SDK1: variants seen among roughly 807,000 people sequenced by gnomAD.
The protein encoded by SDK1 is protein sidekick-1.
Under a neutral mutation model 245.5 loss-of-function variants are expected in SDK1, and 157 were observed. That is an observed-to-expected ratio of 0.64 (90% CI 0.56 to 0.73). The LOEUF (loss-of-function observed/expected upper bound fraction) is 0.73, where lower values mean the gene tolerates loss of function less well. Among genes scored for constraint, SDK1 ranks in the 30% least tolerant of loss-of-function variants. The pLI is 0.00. For synonymous variants in SDK1, 1,647 were observed against 1,278.5 expected, an observed-to-expected ratio of 1.29 and a Z score of -6.15; for missense variants, 3,583 against 3,002.3, an observed-to-expected ratio of 1.19 and a Z score of -4.52.
At chr7:3,520,599 A>C (rs1021279888) in intron 1 of SDK1, among the ~76,000 whole-genome samples, 1 of 152,198 alleles carries the variant, frequency 6.6e-6, no homozygotes, top group Non-Finnish European at 1.5e-5. Flanking sequence ...GTAGAATTCT[A>C]ATGTATCTGA....
intron 28 of SDK1, among the ~76,000 whole-genome samples, chr7:4,136,119 C>T (rs1012974106): frequency 3.9e-5 from 6 of 152,156 alleles, no homozygotes; most frequent in Admixed American, 6.5e-5. Context: ...GCCCTCCAAC[C>T]GTGCTGAACG....
intron 35 of SDK1, among the ~76,000 whole-genome samples, chr7:4,198,585 C>T (rs967698026): frequency 2.6e-5 from 4 of 152,172 alleles, no homozygotes; most frequent in Non-Finnish European, 5.9e-5. Flanking sequence ...TTGGAGGCTG[C>T]TTTTGCCATA....
At chr7:4,236,144 A>G (rs1786152352) in intron 41 of SDK1, among the ~76,000 whole-genome samples, 2 of 152,210 alleles carry the variant, frequency 1.3e-5, no homozygotes, top group South Asian at 4.1e-4. Context: ...GATATAGGAT[A>G]GAAGCTTCGG....
intron 4 of SDK1, among the ~76,000 whole-genome samples, chr7:3,644,380 A>T (rs1278264610): frequency 1.3e-5 from 2 of 151,774 alleles, no homozygotes; most frequent in Non-Finnish European, 2.9e-5. Flanking sequence ...CCACCTTTAT[A>T]TTGATTCCAA....
At chr7:3,562,559 C>T (rs913785761) in intron 1 of SDK1, among the ~76,000 whole-genome samples, 17 of 152,132 alleles carry the variant, frequency 1.1e-4, no homozygotes, top group African/African-American at 2.4e-4. Context: ...GCTAAGTAGA[C>T]GGGTAGCTGC....
chr7:3,696,572 T>TTGTGTGTGTGTG (rs71552319), intron 4 of SDK1, among the ~76,000 whole-genome samples: 62 of 148,008 alleles, frequency 4.2e-4, no homozygotes, highest in African/African-American at 1.5e-3. Flanking sequence ...TTCTCTGTGT[T>TTGTGTGTGTGTG]TGTGTGTGTG....
At chr7:3,831,925 C>G (rs1012832357) in intron 5 of SDK1, among the ~76,000 whole-genome samples, 1 of 151,966 alleles carries the variant, frequency 6.6e-6, no homozygotes, top group Admixed American at 6.6e-5. Context: ...GTAGTGCATA[C>G]CTGTGGCCCC....
At chr7:4,128,026 T>C (rs1784506297) in intron 26 of SDK1, among the ~76,000 whole-genome samples, 1 of 152,196 alleles carries the variant, frequency 6.6e-6, no homozygotes, top group Non-Finnish European at 1.5e-5. Flanking sequence ...CCAGCTTCTC[T>C]GGGGAGCCAT....
chr7:3,848,657 C>CTA (rs951235730), intron 5 of SDK1, among the ~76,000 whole-genome samples: 2 of 152,066 alleles, frequency 1.3e-5, no homozygotes, highest in African/African-American at 4.8e-5. Context: ...TCTGCAATGA[C>CTA]TATAGAGTTG....
chr7:3,735,770 A>G (rs936562469), intron 4 of SDK1, among the ~76,000 whole-genome samples: 4 of 152,092 alleles, frequency 2.6e-5, no homozygotes, highest in African/African-American at 9.7e-5. Context: ...ACCATTTTAC[A>G]TTTTACTTTC....
chr7:4,180,795 G>T (rs1463814363), intron 35 of SDK1, among the ~76,000 whole-genome samples: 1 of 152,086 alleles, frequency 6.6e-6, no homozygotes, highest in Admixed American at 6.6e-5. Flanking sequence ...AGAGGGAGGT[G>T]CCACACATTT....
At chr7:3,999,261 C>G (rs961784735) in intron 14 of SDK1, among the ~76,000 whole-genome samples, 2 of 152,172 alleles carry the variant, frequency 1.3e-5, no homozygotes, top group Non-Finnish European at 2.9e-5. Context: ...AGAGCACAGT[C>G]AGTTCACGCA....
chr7:3,861,967 C>T (rs533138513), intron 5 of SDK1, among the ~76,000 whole-genome samples: 1 of 152,212 alleles, frequency 6.6e-6, no homozygotes, highest in Non-Finnish European at 1.5e-5. Context: ...CTAGAAGACT[C>T]TAGTGACCCT....
At chr7:3,717,173 T>A (rs1785228507) in intron 4 of SDK1, among the ~76,000 whole-genome samples, 1 of 152,210 alleles carries the variant, frequency 6.6e-6, no homozygotes, top group Admixed American at 6.5e-5. Flanking sequence ...TTAGAGGAAC[T>A]AATTGACCGA....
At chr7:3,722,751 G>A (rs371100919) in intron 4 of SDK1, among the ~76,000 whole-genome samples, 2 of 152,132 alleles carry the variant, frequency 1.3e-5, no homozygotes, top group Non-Finnish European at 1.5e-5. Context: ...CCGGGGACTC[G>A]CGCGGGTGGC....
chr7:3,308,065 C>T (rs113148932), intron 1 of SDK1, among the ~76,000 whole-genome samples: 24 of 152,250 alleles, frequency 1.6e-4, no homozygotes, highest in African/African-American at 5.5e-4. Context: ...TGCCGTCTAA[C>T]ACATGATATA....
At chr7:3,517,854 C>G (rs1583986930) in intron 1 of SDK1, among the ~76,000 whole-genome samples, 1 of 152,144 alleles carries the variant, frequency 6.6e-6, no homozygotes, top group African/African-American at 2.4e-5. Context: ...TAAAATTGCT[C>G]TTTCTGGAAA....
At chr7:3,867,981 T>C (rs747651638) in intron 5 of SDK1, among the ~76,000 whole-genome samples, 1 of 152,164 alleles carries the variant, frequency 6.6e-6, no homozygotes, top group African/African-American at 2.4e-5. Flanking sequence ...ACTCCACAGA[T>C]TGTGTAAAAC....
chr7:3,543,594 C>T (rs760219221), intron 1 of SDK1, among the ~76,000 whole-genome samples: 7 of 152,208 alleles, frequency 4.6e-5, no homozygotes, highest in Non-Finnish European at 1.0e-4. Context: ...GCAAGATGTC[C>T]ACCTGCTTAC....
Sources: gnomAD v4.1 joint callset for allele counts (sites outside exome capture counted in the v4.1 genomes callset) on GRCh38, gnomAD v4.1.1 for gene constraint, MANE v1.5 for transcripts, NCBI Gene and HGNC (gene_info 2026-07-23, HGNC 2026-07-21) for gene names.